The following CAST variants were observed in gnomAD, a reference collection of about 807,000 sequenced individuals.
CAST encodes MIR583 host.
A neutral mutation model predicts 119.6 loss-of-function variants in CAST; 76 were observed. That is an observed-to-expected ratio of 0.64 (90% confidence interval 0.53 to 0.77). CAST has a LOEUF of 0.77. Among genes scored for constraint, CAST ranks in the 30% least tolerant of loss-of-function variants. The probability of loss-of-function intolerance (pLI) is 0.00; values close to 1 mark genes in which losing one functional copy is unlikely to be tolerated. For missense variants in CAST, 953 were observed against 946.5 expected (o/e 1.01, Z -0.09); for synonymous variants, 319 against 331.6 (o/e 0.96, Z 0.41).
the CAST span, among the ~76,000 whole-genome samples, chr5:96,243,402 T>A: frequency 6.6e-6 from 1 of 152,036 alleles, no homozygotes; most frequent in Non-Finnish European, 1.5e-5. Context: ...TCTTCCTCTG[T>A]GGTTCCTAGA....
chr5:96,615,201 C>T (rs1435566904), intron 1 of CAST, among the ~76,000 whole-genome samples: 2 of 152,192 alleles, frequency 1.3e-5, no homozygotes, highest in African/African-American at 4.8e-5. Flanking sequence ...ATTGTTGGAG[C>T]ATATTTAAGG....
chr5:96,331,615 A>T, the CAST span, among the ~76,000 whole-genome samples: 13 of 152,364 alleles, frequency 8.5e-5, no homozygotes, highest in South Asian at 2.7e-3. Flanking sequence ...ACTCACCAGC[A>T]TATAAAAACA....
chr5:96,209,246 A>G, the CAST span, among the ~76,000 whole-genome samples: 1 of 151,954 alleles, frequency 6.6e-6, no homozygotes, highest in Non-Finnish European at 1.5e-5. Context: ...AAGACAGGAT[A>G]CAGTTAGGTC....
the CAST span, among the ~76,000 whole-genome samples, chr5:96,281,737 C>T: frequency 6.6e-6 from 1 of 152,162 alleles, no homozygotes; most frequent in Non-Finnish European, 1.5e-5. Context: ...TCTGAAAGCT[C>T]TCACATGACA....
At chr5:96,318,854 G>A in the CAST span, 1 of 152,122 alleles carries the variant, frequency 6.6e-6, no homozygotes, top group African/African-American at 2.4e-5. Flanking sequence ...AGTAGTTAAT[G>A]CTACAGTGTT....
At chr5:96,359,643 G>A in the CAST span, among the ~76,000 whole-genome samples, 1 of 152,156 alleles carries the variant, frequency 6.6e-6, no homozygotes, top group Non-Finnish European at 1.5e-5. Flanking sequence ...TTTTCTTTAA[G>A]AATGTTGAAT....
At chr5:96,363,629 C>G in the CAST span, among the ~76,000 whole-genome samples, 2 of 152,120 alleles carry the variant, frequency 1.3e-5, no homozygotes, top group Non-Finnish European at 2.9e-5. Flanking sequence ...TGATTTGGCT[C>G]TCTGTTTGTC....
At chr5:96,157,876 G>A in the CAST span, among the ~76,000 whole-genome samples, 4 of 152,176 alleles carry the variant, frequency 2.6e-5, no homozygotes, top group African/African-American at 4.8e-5. Flanking sequence ...ATTCAAGCAC[G>A]TAGATTTAGG....
the CAST span, among the ~76,000 whole-genome samples, chr5:96,405,611 C>T: frequency 6.6e-6 from 1 of 152,156 alleles, no homozygotes; most frequent in Non-Finnish European, 1.5e-5. Flanking sequence ...GTTGAGGTTG[C>T]AGTGAGCCGA....
the CAST span, among the ~76,000 whole-genome samples, chr5:96,421,079 C>T: frequency 5.9e-5 from 9 of 152,152 alleles, no homozygotes; most frequent in South Asian, 4.1e-4. Flanking sequence ...ATGGTCTCTC[C>T]CATGGGCATG....
chr5:96,050,087 G>A, the CAST span: 1 of 152,086 alleles, frequency 6.6e-6, no homozygotes, highest in African/African-American at 2.4e-5. Context: ...AAAAAAAGAA[G>A]CAGTAGATTT....
chr5:96,393,525 G>T, the CAST span: 2 of 960,720 alleles, frequency 2.1e-6, no homozygotes, highest in Non-Finnish European at 3.3e-6. Flanking sequence ...GAGCCACATG[G>T]ACTTGGGCTT....
chr5:96,530,274 G>A (rs1323429864), intron 1 of CAST, among the ~76,000 whole-genome samples: 1 of 152,078 alleles, frequency 6.6e-6, no homozygotes. Flanking sequence ...CCATAGGAAG[G>A]ATGAGAAGCC....
the CAST span, among the ~76,000 whole-genome samples, chr5:96,466,290 A>G: frequency 6.6e-6 from 1 of 152,054 alleles, no homozygotes; most frequent in Admixed American, 6.6e-5. Flanking sequence ...TTAGTTAGGT[A>G]TATTTGTTCA....
At chr5:96,026,171 T>TG in the CAST span, among the ~76,000 whole-genome samples, 1 of 152,144 alleles carries the variant, frequency 6.6e-6, no homozygotes, top group Non-Finnish European at 1.5e-5. Flanking sequence ...TAAACCTTGA[T>TG]TGTGCTACTG....
At chr5:96,748,748 T>C (rs1764329020) in intron 19 of CAST, 135 bp downstream of exon 19, 1 of 565,870 alleles carries the variant, frequency 1.8e-6, no homozygotes, top group South Asian at 2.5e-5. Context: ...GTCATTTTTG[T>C]CTTCCTTTTT....
chr5:96,046,936 G>C, the CAST span, among the ~76,000 whole-genome samples: 8 of 152,108 alleles, frequency 5.3e-5, no homozygotes, highest in African/African-American at 1.7e-4. Flanking sequence ...GGAAAGACCA[G>C]CCCCCATGAT....
chr5:96,045,356 GAA>G, the CAST span, among the ~76,000 whole-genome samples: 11 of 102,004 alleles, frequency 1.1e-4, no homozygotes, highest in South Asian at 1.7e-3. Flanking sequence ...TCTGTCTCAA[GAA>G]AAAAAAAAAA....
At chr5:96,201,272 T>A in the CAST span, among the ~76,000 whole-genome samples, 1 of 152,310 alleles carries the variant, frequency 6.6e-6, no homozygotes, top group Non-Finnish European at 1.5e-5. Context: ...AGTGTTGTGT[T>A]TGGTGCTAGT....
Sources: gnomAD v4.1 joint callset for allele counts (sites outside exome capture counted in the v4.1 genomes callset) on GRCh38, gnomAD v4.1.1 for gene constraint, MANE v1.5 for transcripts, NCBI Gene and HGNC (gene_info 2026-07-23, HGNC 2026-07-21) for gene names.